The following BRINP3 variants were observed in gnomAD, a reference collection of about 807,000 sequenced individuals.
The protein encoded by BRINP3 is BMP/retinoic acid-inducible neural-specific protein 3.
A neutral mutation model predicts 71.0 loss-of-function variants in BRINP3; 19 were observed. The observed-to-expected ratio is 0.27, with a 90% CI of 0.19 to 0.39. BRINP3 has a LOEUF of 0.39. Ranked by LOEUF, BRINP3 falls within the 10% of genes least tolerant of loss-of-function variation. BRINP3 has a pLI of 1.00. For missense variants in BRINP3, 959 were observed against 940.8 expected (o/e 1.02, Z -0.25); for synonymous variants, 380 against 337.7 (o/e 1.13, Z -1.37).
At chr1:190,314,903 A>G (rs541065830) in intron 2 of BRINP3, among the ~76,000 whole-genome samples, 106 of 152,274 alleles carry the variant, frequency 7.0e-4, no homozygotes, top group Non-Finnish European at 9.7e-4. Context: ...AAGGTAAAAC[A>G]AAAACAAGAA....
At chr1:190,199,825 C>A (rs1468714007) in intron 6 of BRINP3, among the ~76,000 whole-genome samples, 1 of 149,142 alleles carries the variant, frequency 6.7e-6, no homozygotes, top group Non-Finnish European at 1.5e-5. Flanking sequence ...AACCATTTTT[C>A]TTTTTTCTAG....
At chr1:190,235,242 T>A (rs1264962503) in intron 4 of BRINP3, among the ~76,000 whole-genome samples, 1 of 152,102 alleles carries the variant, frequency 6.6e-6, no homozygotes, top group Non-Finnish European at 1.5e-5. Context: ...CTTAAATATG[T>A]AATCTCATAT....
chr1:190,218,622 T>C (rs1375359717), intron 6 of BRINP3, among the ~76,000 whole-genome samples: 1 of 152,064 alleles, frequency 6.6e-6, no homozygotes, highest in Non-Finnish European at 1.5e-5. Context: ...TTGGCAATTT[T>C]GAAACATACA....
chr1:190,442,333 A>T (rs1403615732), intron 2 of BRINP3, among the ~76,000 whole-genome samples: 1 of 152,212 alleles, frequency 6.6e-6, no homozygotes, highest in African/African-American at 2.4e-5. Context: ...AAATAAGGCC[A>T]CAGCAAAACA....
chr1:190,321,238 A>G (rs1459913837), intron 2 of BRINP3, among the ~76,000 whole-genome samples: 1 of 152,032 alleles, frequency 6.6e-6, no homozygotes, highest in Non-Finnish European at 1.5e-5. Context: ...TCCAATACCC[A>G]ATAGCATGCA....
intron 6 of BRINP3, among the ~76,000 whole-genome samples, chr1:190,190,584 C>G (rs1459785743): frequency 6.6e-6 from 1 of 152,086 alleles, no homozygotes; most frequent in African/African-American, 2.4e-5. Context: ...CAAAAAAATA[C>G]TCTCCTCACC....
intron 3 of BRINP3, among the ~76,000 whole-genome samples, chr1:190,274,952 G>A (rs1662427262): frequency 6.6e-6 from 1 of 151,640 alleles, no homozygotes. Context: ...AAGATATTAT[G>A]GGGAGGAAAG....
At chr1:190,456,766 T>A (rs1676021487) in intron 1 of BRINP3, among the ~76,000 whole-genome samples, 1 of 151,986 alleles carries the variant, frequency 6.6e-6, no homozygotes. Flanking sequence ...TAATCATTAT[T>A]TTTAGAATAT....
At chr1:190,413,195 G>A (rs773326299) in intron 2 of BRINP3, among the ~76,000 whole-genome samples, 33 of 151,740 alleles carry the variant, frequency 2.2e-4, no homozygotes, top group Non-Finnish European at 4.0e-4. Context: ...GTGCATGTGC[G>A]TGTGTGTGTG....
chr1:190,343,255 A>G (rs1667788006), intron 2 of BRINP3, among the ~76,000 whole-genome samples: 1 of 151,852 alleles, frequency 6.6e-6, no homozygotes, highest in African/African-American at 2.4e-5. Context: ...TGAAGAGGTA[A>G]ATATTTAAAA....
chr1:190,415,274 C>T (rs1382024438), intron 2 of BRINP3, among the ~76,000 whole-genome samples: 8 of 152,064 alleles, frequency 5.3e-5, no homozygotes, highest in Non-Finnish European at 1.5e-5. Context: ...TGAATTACTA[C>T]CAATCAGGAT....
chr1:190,381,083 A>G (rs886722224), intron 2 of BRINP3, among the ~76,000 whole-genome samples: 2 of 152,134 alleles, frequency 1.3e-5, no homozygotes, highest in African/African-American at 4.8e-5. Context: ...GCTGAAGTCT[A>G]AACTCCTGCA....
chr1:190,272,615 A>G (rs1334729150), intron 3 of BRINP3, among the ~76,000 whole-genome samples: 1 of 151,446 alleles, frequency 6.6e-6, no homozygotes, highest in Non-Finnish European at 1.5e-5. Context: ...CTAGGATTTC[A>G]TAGTTTTTTA....
intron 7 of BRINP3, among the ~76,000 whole-genome samples, chr1:190,137,068 T>G (rs367857802): frequency 6.6e-6 from 1 of 152,162 alleles, no homozygotes; most frequent in African/African-American, 2.4e-5. Context: ...ATAGTGTAGC[T>G]ATGTGTCTTG....
At chr1:190,251,454 A>G (rs1230938493) in intron 4 of BRINP3, among the ~76,000 whole-genome samples, 1 of 151,982 alleles carries the variant, frequency 6.6e-6, no homozygotes, top group Non-Finnish European at 1.5e-5. Flanking sequence ...ATCAATACGT[A>G]GTGATATTGG....
chr1:190,385,102 C>T (rs569617017), intron 2 of BRINP3, among the ~76,000 whole-genome samples: 2 of 151,712 alleles, frequency 1.3e-5, no homozygotes, highest in South Asian at 2.1e-4. Context: ...CTAACTTAAA[C>T]GTTAGACCTA....
chr1:190,429,060 A>T (rs1383611453), intron 2 of BRINP3, among the ~76,000 whole-genome samples: 3 of 152,128 alleles, frequency 2.0e-5, no homozygotes, highest in Non-Finnish European at 4.4e-5. Flanking sequence ...CTTTACATTT[A>T]CTCATTCAGT....
At chr1:190,468,530 C>T (rs1170106085) in intron 1 of BRINP3, among the ~76,000 whole-genome samples, 2 of 151,118 alleles carry the variant, frequency 1.3e-5, no homozygotes, top group Non-Finnish European at 3.0e-5. Context: ...ATACAAAAAC[C>T]TGCCAGAGTT....
intron 2 of BRINP3, among the ~76,000 whole-genome samples, chr1:190,377,323 C>A (rs377266395): frequency 3.3e-5 from 5 of 151,748 alleles, no homozygotes; most frequent in African/African-American, 4.8e-5. Flanking sequence ...GTTTTCCAGA[C>A]GGCAATAAAA....
Sources: allele counts gnomAD v4.1 joint callset (sites outside exome capture counted in the v4.1 genomes callset), GRCh38; gene constraint gnomAD v4.1.1; transcripts MANE v1.5; gene names NCBI Gene and HGNC (gene_info 2026-07-23, HGNC 2026-07-21).